Variants in MAPK10 observed in about 807,000 individuals in gnomAD.
MAPK10 encodes the protein JNK3 alpha protein kinase.
Under a neutral mutation model 59.3 loss-of-function variants are expected in MAPK10, and 25 were observed. The ratio of observed to expected loss-of-function variants is 0.42; its 90% CI spans 0.31 to 0.59. The LOEUF is 0.59. Among genes scored for constraint, MAPK10 ranks in the 20% least tolerant of loss-of-function variants. The pLI is 0.15. For missense variants in MAPK10, 351 were observed against 568.9 expected, an observed-to-expected ratio of 0.62 and a Z score of 3.90; for synonymous variants, 190 against 200.5, an observed-to-expected ratio of 0.95 and a Z score of 0.44.
chr4:86,305,063 A>G (rs1442076805), intron 2 of MAPK10, among the ~76,000 whole-genome samples: 1 of 152,214 alleles, frequency 6.6e-6, no homozygotes, highest in Non-Finnish European at 1.5e-5. Context: ...CCAAAAACAA[A>G]CAAACAAAAA....
At chr4:86,400,094 T>G (rs1310614497) in intron 1 of MAPK10, among the ~76,000 whole-genome samples, 1 of 152,118 alleles carries the variant, frequency 6.6e-6, no homozygotes, top group Non-Finnish European at 1.5e-5. Context: ...ACAAATATAT[T>G]TTTCACATTT....
intron 2 of MAPK10, among the ~76,000 whole-genome samples, chr4:86,337,965 T>C (rs1447967055): frequency 2.6e-5 from 4 of 152,336 alleles, no homozygotes; most frequent in Admixed American, 6.5e-5. Context: ...TAAGATATAA[T>C]GGCAAGACAT....
chr4:86,286,795 T>G (rs750072289), intron 2 of MAPK10, among the ~76,000 whole-genome samples: 21 of 152,088 alleles, frequency 1.4e-4, no homozygotes, highest in Non-Finnish European at 2.8e-4. Context: ...CACATCCATC[T>G]CCCCACCTAA....
chr4:86,271,169 T>C (rs1186759093), intron 2 of MAPK10, among the ~76,000 whole-genome samples: 1 of 152,084 alleles, frequency 6.6e-6, no homozygotes, highest in Non-Finnish European at 1.5e-5. Flanking sequence ...CTCCATGTCA[T>C]CACCAACATT....
intron 2 of MAPK10, among the ~76,000 whole-genome samples, chr4:86,305,577 G>A (rs533499316): frequency 3.5e-4 from 53 of 152,238 alleles, no homozygotes; most frequent in African/African-American, 1.3e-3. Flanking sequence ...CCAGCACTTT[G>A]GGAGGCTAAG....
Position 86,011,732 on chromosome 4 carries a change from G to A in MAPK10, c.*5496C>T, listed in dbSNP as rs1226445052. 2 of 152,160 alleles carry A rather than the reference G, an allele frequency of 1.3e-5. No homozygotes were observed. The highest frequency in any genetic ancestry group is 1.9e-4 in the East Asian group (1 of 5,200). 9.4% of individuals were successfully genotyped at this position (152,160 alleles called of 1,614,324 possible). ...GAAGCTGTTCCAGAGATAACAAAAA[G>A]CTGTTGCTTTCTATATTCCAACAGG... On this transcript the variant is annotated 3_prime_UTR_variant, in exon 14 of 14. Transcript: ENST00000641462.
chr4:86,344,103 G>A (rs755552955), intron 2 of MAPK10, among the ~76,000 whole-genome samples: 1 of 152,202 alleles, frequency 6.6e-6, no homozygotes, highest in Non-Finnish European at 1.5e-5. Flanking sequence ...GTGGGCTCAT[G>A]TCTCTCTGCA....
At chr4:86,132,169 C>T (rs965277170) in intron 4 of MAPK10, among the ~76,000 whole-genome samples, 1 of 152,042 alleles carries the variant, frequency 6.6e-6, no homozygotes, top group Non-Finnish European at 1.5e-5. Context: ...ATAAAGGTCT[C>T]GATGAGTTAA....
chr4:86,096,799 T>C (rs1010647229), intron 9 of MAPK10, among the ~76,000 whole-genome samples: 2 of 151,994 alleles, frequency 1.3e-5, no homozygotes, highest in African/African-American at 2.4e-5. Flanking sequence ...AAACTATAGA[T>C]AAGTAAAGTG....
At chr4:86,546,529 C>T (rs2149097506) in intron 1 of MAPK10, among the ~76,000 whole-genome samples, 1 of 150,320 alleles carries the variant, frequency 6.7e-6, no homozygotes, top group Non-Finnish European at 1.5e-5. Flanking sequence ...TGCACTCCAG[C>T]CTGGGGGACA....
rs191323459 is a variant in MAPK10 at position 86,217,509 on chromosome 4, T to C, written c.-6-23102A>G. ...CATTTCTCAATGCATTTTGTCATTA[T>C]ACCTATTAACTGGCATACAACTCAG... On this transcript the variant is annotated intron_variant, in intron 2 of 13. Coordinates refer to ENST00000641462, the MANE Select transcript of MAPK10 (RefSeq NM_138982.4). Among the ~76,000 whole-genome samples, 43 of 152,348 alleles carry C rather than the reference T, an allele frequency of 2.8e-4. No individual in the cohort carries two copies. The East Asian group carries it at 6.0e-3, about 21-fold the overall frequency.
intron 1 of MAPK10, among the ~76,000 whole-genome samples, chr4:86,474,691 G>A (rs904202949): frequency 2.0e-5 from 3 of 152,148 alleles, no homozygotes; most frequent in African/African-American, 7.2e-5. Flanking sequence ...GAAAAGTACT[G>A]ACTAGCAGCT....
At chr4:86,400,108 G>A (rs1743497252) in intron 1 of MAPK10, among the ~76,000 whole-genome samples, 1 of 151,914 alleles carries the variant, frequency 6.6e-6, no homozygotes, top group African/African-American at 2.4e-5. Flanking sequence ...CACATTTTAT[G>A]GTCATATCAC....
intron 9 of MAPK10, chr4:86,081,834 A>G (rs1348919796): frequency 1.3e-5 from 2 of 151,982 alleles, no homozygotes; most frequent in African/African-American, 2.4e-5. Context: ...AACCTTGCAC[A>G]TGTGCTCTTA....
chr4:86,064,503 T>C, intron 10 of MAPK10, 113 bp from the exon 11 acceptor site: 1 of 972,682 alleles, frequency 1.0e-6, no homozygotes, highest in Non-Finnish European at 1.6e-6. Flanking sequence ...CTTCCAAACA[T>C]CAGGTAAATC....
intron 11 of MAPK10, among the ~76,000 whole-genome samples, chr4:86,061,513 G>A (rs1195732871): frequency 2.0e-5 from 3 of 152,100 alleles, no homozygotes; most frequent in African/African-American, 7.2e-5. Flanking sequence ...ATGTGTACAT[G>A]ACTAATTTTC....
chr4:86,372,686 C>T (rs1240272925), intron 1 of MAPK10, among the ~76,000 whole-genome samples: 1 of 152,034 alleles, frequency 6.6e-6, no homozygotes, highest in Admixed American at 6.6e-5. Flanking sequence ...AAAATTAAGG[C>T]AGAAATAAAT....
At chr4:86,246,451 C>A (rs1277881853) in intron 2 of MAPK10, among the ~76,000 whole-genome samples, 2 of 152,158 alleles carry the variant, frequency 1.3e-5, no homozygotes, top group Non-Finnish European at 2.9e-5. Context: ...GCAACAACAA[C>A]AACAACATCA....
intron 3 of MAPK10, 94 bp downstream of exon 3, chr4:86,194,242 A>G: frequency 2.1e-6 from 2 of 956,314 alleles, no homozygotes; most frequent in South Asian, 1.4e-5. Flanking sequence ...TGATATAAAT[A>G]CTGACTTTGG....
Sources: allele counts gnomAD v4.1 joint callset (sites outside exome capture counted in the v4.1 genomes callset), GRCh38; gene constraint gnomAD v4.1.1; transcripts MANE v1.5; gene names NCBI Gene and HGNC (gene_info 2026-07-23, HGNC 2026-07-21).